GLI3: variants seen among roughly 807,000 people sequenced by gnomAD.
The protein encoded by GLI3 is transcription activator GLI3.
Under a neutral mutation model 100.8 loss-of-function variants are expected in GLI3, and 20 were observed. That is an observed-to-expected ratio of 0.20 (90% confidence interval 0.14 to 0.29). The LOEUF is 0.29. Among genes scored for constraint, GLI3 ranks in the 10% least tolerant of loss-of-function variants. The pLI is 1.00. For synonymous variants in GLI3, 938 were observed against 860.5 expected (o/e 1.09, Z -1.58); for missense variants, 2,040 against 2,128.5 (o/e 0.96, Z 0.82).
At chr7:42,141,483 C>T (rs1786566141) in intron 3 of GLI3, among the ~76,000 whole-genome samples, 1 of 152,048 alleles carries the variant, frequency 6.6e-6, no homozygotes, top group Admixed American at 6.6e-5. Flanking sequence ...ACCAGCGTGG[C>T]CAACATGGCG....
In GLI3 at chr7:41,964,283, T is replaced by C; in HGVS notation, c.*47A>G. ...CCAAAACAAAGTCAGTTTAATCTCT[T>C]CAACTCCTATTGATTTCCGTTGGTT... is the stretch of plus-strand genomic sequence containing the variant. On this transcript the variant is annotated 3_prime_UTR_variant, in exon 15 of 15. Transcript: ENST00000395925. The C allele has an allele frequency of 6.4e-7, 1 of 1,567,902 alleles. No homozygotes were observed.
chr7:42,223,052 A>G (rs1788517426), intron 2 of GLI3, 78 bp downstream of exon 2: 1 of 1,559,688 alleles, frequency 6.4e-7, no homozygotes. Context: ...TCCAGGTGCA[A>G]ACGCTCAATT....
chr7:42,187,875 C>A (rs916698249), intron 2 of GLI3, among the ~76,000 whole-genome samples: 1 of 151,742 alleles, frequency 6.6e-6, no homozygotes, highest in Non-Finnish European at 1.5e-5. Flanking sequence ...TGGTGACAGG[C>A]ACCTGTAATC....
rs117633516 is a variant in GLI3 at position 41,981,484 on chromosome 7, G to A, written c.1498-2736C>T. Among the ~76,000 whole-genome samples, 459 of 152,340 alleles carry A rather than the reference G, an allele frequency of 3.0e-3. 1 individual carries two copies. Among genetic ancestry groups the A allele is most frequent in the South Asian group, 5.8e-3 (28 of 4,830 alleles). On this transcript the variant is annotated intron_variant, in intron 10 of 14. Transcript: ENST00000395925. ...AGGGAGCAGGGGTGGCTAAGAAGGA[G>A]GTGCCAACAGTGGCCAGTAAAAAAA...
At chr7:42,055,316 G>A (rs1347935258) in intron 4 of GLI3, among the ~76,000 whole-genome samples, 1 of 152,038 alleles carries the variant, frequency 6.6e-6, no homozygotes, top group East Asian at 1.9e-4. Context: ...GATGGTTATG[G>A]TGGTTACTTT....
intron 5 of GLI3, 33 bp downstream of exon 5, chr7:42,048,458 G>A (rs371772571): frequency 9.1e-6 from 13 of 1,420,870 alleles, no homozygotes; most frequent in Admixed American, 6.7e-5. Context: ...GAGGCTGCAT[G>A]ATCTCCAGAA....
intron 3 of GLI3, among the ~76,000 whole-genome samples, chr7:42,094,018 C>T (rs372524508): frequency 9.5e-4 from 145 of 151,964 alleles, no homozygotes; most frequent in African/African-American, 2.7e-3. Context: ...AGAGGAAGGG[C>T]GCAAAAGTCA....
At chr7:42,201,507 C>G (rs937198201) in intron 2 of GLI3, among the ~76,000 whole-genome samples, 1 of 152,162 alleles carries the variant, frequency 6.6e-6, no homozygotes, top group Non-Finnish European at 1.5e-5. Flanking sequence ...GACACACTAG[C>G]GCAAAGAAAC....
chr7:42,012,845 G>C (rs1788656943), intron 10 of GLI3, among the ~76,000 whole-genome samples: 1 of 152,172 alleles, frequency 6.6e-6, no homozygotes, highest in Non-Finnish European at 1.5e-5. Context: ...GGTAGAAACT[G>C]CACCAGAGGA....
chr7:42,262,718 G>A (rs549215707), intron 1 of GLI3, among the ~76,000 whole-genome samples: 1 of 152,130 alleles, frequency 6.6e-6, no homozygotes. Flanking sequence ...TTTGGAAATG[G>A]TCCTTATTTA....
At chr7:42,236,491 C>T (rs1788796752) in intron 1 of GLI3, among the ~76,000 whole-genome samples, 1 of 152,154 alleles carries the variant, frequency 6.6e-6, no homozygotes, top group African/African-American at 2.4e-5. Context: ...CCAGCGGCGG[C>T]GGCCCCCGCG....
chr7:42,124,819 C>T lies in GLI3; in HGVS notation c.367+23407G>A, dbSNP rs891870327. Among the ~76,000 whole-genome samples the T allele has an allele frequency of 2.0e-5, 3 of 152,148 alleles. No homozygotes were observed. In the East Asian group the frequency reaches 5.8e-4, roughly 29 times the overall value. ...GTGCTGCTGTGTGTGTGAAAAAAGT[C>T]AGAAATAAAATCTGCCACTTTTCTT... On this transcript the variant is annotated intron_variant, in intron 3 of 14. Transcript: ENST00000395925.
At chr7:42,005,501 T>TCACACACACACA (rs1788435988) in intron 10 of GLI3, among the ~76,000 whole-genome samples, 1 of 81,250 alleles carries the variant, frequency 1.2e-5, no homozygotes, top group Non-Finnish European at 2.5e-5. Context: ...ACACACAGAT[T>TCACACACACACA]CAGAGTCATG....
At chr7:42,262,248 T>TTC (rs1554345663) in intron 1 of GLI3, among the ~76,000 whole-genome samples, 1 of 29,652 alleles carries the variant, frequency 3.4e-5, no homozygotes, top group Non-Finnish European at 9.7e-5. Flanking sequence ...TTCCTTCCTT[T>TTC]CTTCCTCCCT....
chr7:41,982,235 A>G (rs1481124238), intron 10 of GLI3, among the ~76,000 whole-genome samples: 1 of 152,214 alleles, frequency 6.6e-6, no homozygotes, highest in Non-Finnish European at 1.5e-5. Flanking sequence ...TTTACTGCTT[A>G]AATGCTGCAC....
chr7:42,165,420 G>A (rs1029183822), intron 2 of GLI3, among the ~76,000 whole-genome samples: 16 of 152,246 alleles, frequency 1.1e-4, no homozygotes, highest in African/African-American at 3.1e-4. Context: ...GGGGCTGGGA[G>A]GATATTTTTA....
At chr7:42,189,033 G>A (rs1343299905) in intron 2 of GLI3, among the ~76,000 whole-genome samples, 3 of 152,150 alleles carry the variant, frequency 2.0e-5, no homozygotes, top group African/African-American at 7.2e-5. Context: ...TTCACCAGTT[G>A]TAACCAATGT....
chr7:42,172,755 A>C, intron 2 of GLI3: 1 of 633,474 alleles, frequency 1.6e-6, no homozygotes, highest in South Asian at 1.8e-5. Flanking sequence ...AACACATTTC[A>C]TTACTTGGCT....
At position 42,022,774 on chromosome 7, in the gene GLI3, G is replaced by A. The variant is rs761322347; in HGVS notation, c.1497+694C>T. Among the ~76,000 whole-genome samples the A allele has an allele frequency of 2.9e-4, 44 of 152,198 alleles. 1 individual carries two copies. Among genetic ancestry groups the A allele is most frequent in the Non-Finnish European group, 5.1e-4 (35 of 68,046 alleles). ...GGGGGTATCACAAATCAGGCATGGG[G>A]TGGGGAGAAGGCTTTGTGCACACTG... On this transcript the variant is annotated intron_variant, in intron 10 of 14. Transcript: ENST00000395925.
Sources: allele counts gnomAD v4.1 joint callset (sites outside exome capture counted in the v4.1 genomes callset), GRCh38; gene constraint gnomAD v4.1.1; transcripts MANE v1.5; gene names NCBI Gene and HGNC (gene_info 2026-07-23, HGNC 2026-07-21).